Variants in MECOM observed in about 807,000 individuals in gnomAD.
The protein encoded by MECOM is MDS1 and EVI1 complex locus.
Under a neutral mutation model 116.3 loss-of-function variants are expected in MECOM, and 13 were observed. The observed-to-expected ratio is 0.11, with a 90% CI of 0.07 to 0.18. MECOM has a LOEUF of 0.18. Ranked by LOEUF, MECOM falls within the 10% of genes least tolerant of loss-of-function variation. The pLI is 1.00. For missense variants in MECOM, 1,299 were observed against 1,509.0 expected, an observed-to-expected ratio of 0.86 and a Z score of 2.31; for synonymous variants, 528 against 535.2, an observed-to-expected ratio of 0.99 and a Z score of 0.19.
chr3:169,554,447 C>T (rs1323473368), intron 1 of MECOM, among the ~76,000 whole-genome samples: 1 of 152,158 alleles, frequency 6.6e-6, no homozygotes, highest in Non-Finnish European at 1.5e-5. Context: ...AAAAAGATTT[C>T]CTCACAGGAC....
At chr3:169,280,524 CA>C (rs1239229439) in intron 2 of MECOM, among the ~76,000 whole-genome samples, 1 of 151,920 alleles carries the variant, frequency 6.6e-6, no homozygotes, top group Non-Finnish European at 1.5e-5. Context: ...TCCATGGAAG[CA>C]AAAGAGCAAG....
At chr3:169,194,267 AAAC>A (rs1173797996) in intron 2 of MECOM, among the ~76,000 whole-genome samples, 2 of 151,880 alleles carry the variant, frequency 1.3e-5, no homozygotes, top group Non-Finnish European at 2.9e-5. Flanking sequence ...TGAACAATGA[AAAC>A]ACATGGACAC....
At chr3:169,565,601 G>T (rs1162542573) in intron 1 of MECOM, among the ~76,000 whole-genome samples, 1 of 152,116 alleles carries the variant, frequency 6.6e-6, no homozygotes, top group Non-Finnish European at 1.5e-5. Context: ...AGCTATTTGG[G>T]ATTACCCAGG....
intron 1 of MECOM, among the ~76,000 whole-genome samples, chr3:169,403,467 T>C (rs1273822955): frequency 2.0e-5 from 3 of 152,236 alleles, no homozygotes; most frequent in African/African-American, 4.8e-5. Flanking sequence ...TATATTCTTC[T>C]ACTTCCTTTT....
chr3:169,410,522 C>A (rs1057225929), intron 1 of MECOM, among the ~76,000 whole-genome samples: 1 of 152,142 alleles, frequency 6.6e-6, no homozygotes, highest in African/African-American at 2.4e-5. Context: ...CTCAACTTTT[C>A]CCCCTGGAGA....
chr3:169,553,723 T>C (rs1299223986), intron 1 of MECOM, among the ~76,000 whole-genome samples: 1 of 152,222 alleles, frequency 6.6e-6, no homozygotes, highest in Non-Finnish European at 1.5e-5. Flanking sequence ...CTGCGGCCTC[T>C]CTTATTGGCT....
At chr3:169,620,063 C>T (rs987180836) in intron 1 of MECOM, among the ~76,000 whole-genome samples, 5 of 152,160 alleles carry the variant, frequency 3.3e-5, no homozygotes, top group Non-Finnish European at 7.4e-5. Flanking sequence ...AATAGCCATC[C>T]GAGCCGAAGC....
intron 2 of MECOM, among the ~76,000 whole-genome samples, chr3:169,160,770 G>T (rs931806444): frequency 5.3e-5 from 8 of 151,708 alleles, no homozygotes; most frequent in Non-Finnish European, 8.8e-5. Flanking sequence ...TATATGCCTG[G>T]ATCAAAATAT....
rs534190664 is a variant in MECOM, at chr3:169,170,441, G to A, written c.376-26609C>T. On this transcript the variant is annotated intron_variant, in intron 2 of 16. Transcript: ENST00000651503. ...AAAAAAAAAAAAATCAAAGCTAAGC[G>A]TCTGCATTCTCTCAGAAGCAACCCT... 6.0e-5 allele frequency among the ~76,000 whole-genome samples: 9 copies of A among 150,086 alleles called. No individual in the cohort carries two copies. In the East Asian group the frequency reaches 7.8e-4, roughly 13 times the overall value.
chr3:169,089,209 G>T (rs1278590359), intron 15 of MECOM, 26 bp from the exon 16 acceptor site: 18 of 1,437,314 alleles, frequency 1.3e-5, no homozygotes, highest in Non-Finnish European at 1.6e-5. Context: ...GAAAAACACA[G>T]AAATTTTCTT....
intron 2 of MECOM, among the ~76,000 whole-genome samples, chr3:169,333,623 A>G (rs1374008414): frequency 1.3e-5 from 2 of 152,196 alleles, no homozygotes; most frequent in Admixed American, 1.3e-4. Flanking sequence ...ACAAGTAAAT[A>G]CAAATTTTAA....
At chr3:169,488,372 C>CAAAAA (rs758493062) in intron 1 of MECOM, among the ~76,000 whole-genome samples, 3 of 62,392 alleles carry the variant, frequency 4.8e-5, no homozygotes, top group Admixed American at 2.0e-4. Flanking sequence ...ACTAAAAATA[C>CAAAAA]AAAAAAAAAA....
chr3:169,114,995 C>G (rs901860475), intron 8 of MECOM, among the ~76,000 whole-genome samples: 1 of 152,122 alleles, frequency 6.6e-6, no homozygotes, highest in Non-Finnish European at 1.5e-5. Context: ...GATATCCCCC[C>G]CATTCCAAAG....
At chr3:169,354,969 A>G (rs1365439818) in intron 2 of MECOM, among the ~76,000 whole-genome samples, 1 of 151,904 alleles carries the variant, frequency 6.6e-6, no homozygotes, top group South Asian at 2.1e-4. Context: ...GCACAACTCT[A>G]TTTTATTGAC....
intron 2 of MECOM, among the ~76,000 whole-genome samples, chr3:169,352,305 C>G (rs1400419835): frequency 1.3e-5 from 2 of 151,780 alleles, no homozygotes; most frequent in Non-Finnish European, 2.9e-5. Context: ...TAAAACCGGT[C>G]ATTTTTAACA....
At chr3:169,588,290 T>C (rs1168412425) in intron 1 of MECOM, among the ~76,000 whole-genome samples, 1 of 152,216 alleles carries the variant, frequency 6.6e-6, no homozygotes, top group African/African-American at 2.4e-5. Flanking sequence ...GTGACTTATA[T>C]ACCTTTCTTT....
rs189588413 is a variant in MECOM at position 169,366,211 on chromosome 3, T to C, written c.375+14976A>G. On this transcript the variant is annotated intron_variant, in intron 2 of 16. Coordinates refer to ENST00000651503, the MANE Select transcript of MECOM (RefSeq NM_004991.4). ...CAGGGTTGGTGACTTCCTGGGGAGA[T>C]TCCAGGAAGATGGAAGAACTCCACA... Among the ~76,000 whole-genome samples, 9 of 151,956 alleles carry C rather than the reference T, an allele frequency of 5.9e-5. No individual in the cohort carries two copies. The East Asian group carries it at 1.6e-3, about 26-fold the overall frequency.
At chr3:169,240,948 C>T (rs374511011) in intron 2 of MECOM, among the ~76,000 whole-genome samples, 5 of 152,074 alleles carry the variant, frequency 3.3e-5, no homozygotes, top group South Asian at 2.1e-4. Context: ...TCCGTGTGGA[C>T]CTGGATTATT....
At chr3:169,377,032 C>A (rs189920517) in intron 2 of MECOM, among the ~76,000 whole-genome samples, 63 of 152,232 alleles carry the variant, frequency 4.1e-4, no homozygotes, top group African/African-American at 1.5e-3. Context: ...CACACATCTA[C>A]AACCATCTGA....
Sources: gnomAD v4.1 joint callset for allele counts (sites outside exome capture counted in the v4.1 genomes callset) on GRCh38, gnomAD v4.1.1 for gene constraint, MANE v1.5 for transcripts, NCBI Gene and HGNC (gene_info 2026-07-23, HGNC 2026-07-21) for gene names.